Variants in TM9SF4 observed in about 807,000 individuals in gnomAD.
TM9SF4 encodes transmembrane 9 superfamily member 4, also known as dinucleotide oxidase disulfide thiol exchanger 3 superfamily member 4.
In TM9SF4, 26 loss-of-function variants were observed where a neutral mutation model predicts 90.4. The ratio of observed to expected loss-of-function variants is 0.29; its 90% confidence interval spans 0.21 to 0.40. The LOEUF is 0.40. Ranked by LOEUF, TM9SF4 falls within the 10% of genes least tolerant of loss-of-function variation. The pLI is 1.00. For missense variants in TM9SF4, 549 were observed against 834.8 expected (o/e 0.66, Z 4.22); for synonymous variants, 293 against 315.4 (o/e 0.93, Z 0.75).
chr20:32,156,937 A>ATTTTTTTTTT (rs1244272103), intron 13 of TM9SF4, among the ~76,000 whole-genome samples: 2 of 63,062 alleles, frequency 3.2e-5, no homozygotes, highest in Admixed American at 3.2e-4. Flanking sequence ...TTTCCTGGAC[A>ATTTTTTTTTT]TTTTCTTTTT....
intron 2 of TM9SF4, 133 bp from the exon 3 acceptor site, chr20:32,135,941 T>C (rs2046588642): frequency 1.5e-6 from 1 of 660,468 alleles, no homozygotes; most frequent in South Asian, 1.9e-5. Context: ...TTGTGGGCAG[T>C]ACATTATATA....
At chr20:32,110,391 T>C (rs1159058085) in intron 1 of TM9SF4, among the ~76,000 whole-genome samples, 1 of 152,074 alleles carries the variant, frequency 6.6e-6, no homozygotes, top group African/African-American at 2.4e-5. Flanking sequence ...CCTGCCCCTC[T>C]CTTAGGGACC....
rs1026303830 is a variant in TM9SF4, at chr20:32,167,055, T to C, written c.*1611T>C. 3 of 152,062 alleles carry C rather than the reference T, an allele frequency of 2.0e-5. No homozygotes were observed. In the East Asian group the frequency reaches 5.8e-4, roughly 29 times the overall value. 9.4% of individuals were successfully genotyped at this position (152,062 alleles called of 1,614,324 possible). On this transcript the variant is annotated 3_prime_UTR_variant, in exon 18 of 18. Coordinates refer to ENST00000398022, the MANE Select transcript of TM9SF4 (RefSeq NM_014742.4). ...GCAGTAGAGAGCGATATTGGAGTCT[T>C]TTGTTCATTCAAATCTTGGATTTTT...
chr20:32,127,317 T>C (rs941056950), intron 1 of TM9SF4, among the ~76,000 whole-genome samples: 1 of 152,240 alleles, frequency 6.6e-6, no homozygotes, highest in African/African-American at 2.4e-5. Flanking sequence ...TCATTTGTAA[T>C]GCAATTCATC....
intron 9 of TM9SF4, among the ~76,000 whole-genome samples, chr20:32,148,663 CTT>C (rs1234035990): frequency 4.8e-4 from 58 of 120,082 alleles, no homozygotes; most frequent in African/African-American, 5.3e-4. Flanking sequence ...AATATTACAG[CTT>C]TTTTTTTTTT....
intron 14 of TM9SF4, 109 bp downstream of exon 14, chr20:32,158,078 A>G: frequency 1.4e-6 from 2 of 1,430,294 alleles, no homozygotes; most frequent in South Asian, 2.7e-5. Flanking sequence ...AGCCGGCTCT[A>G]ATAGAGTTTA....
intron 3 of TM9SF4, chr20:32,136,876 G>A (rs2046602024): frequency 6.4e-6 from 3 of 471,090 alleles, no homozygotes; most frequent in Non-Finnish European, 1.3e-5. Flanking sequence ...TTACACCTTA[G>A]GAAGGAGAAA....
At chr20:32,158,580 T>G in intron 15 of TM9SF4, 66 bp downstream of exon 15, 1 of 1,535,734 alleles carries the variant, frequency 6.5e-7, no homozygotes, top group Non-Finnish European at 9.0e-7. Context: ...TCCACTCGGG[T>G]GCTCTGCTGC....
intron 9 of TM9SF4, 46 bp downstream of exon 9, chr20:32,146,901 A>C (rs775560596): frequency 6.4e-6 from 10 of 1,562,818 alleles, no homozygotes; most frequent in Non-Finnish European, 8.8e-6. Flanking sequence ...TGGGGAGGGG[A>C]GGAGGACCGT....
intron 1 of TM9SF4, among the ~76,000 whole-genome samples, chr20:32,128,486 A>C (rs1011045402): frequency 1.3e-5 from 2 of 152,178 alleles, no homozygotes; most frequent in Non-Finnish European, 2.9e-5. Context: ...GCTTTGTTAC[A>C]TGGGTAGATT....
chr20:32,112,982 T>A (rs1441761361), intron 1 of TM9SF4, among the ~76,000 whole-genome samples: 1 of 152,144 alleles, frequency 6.6e-6, no homozygotes, highest in Non-Finnish European at 1.5e-5. Flanking sequence ...TTGGTCTGTG[T>A]CAGCACTTCA....
chr20:32,113,259 C>G (rs922583023), intron 1 of TM9SF4, among the ~76,000 whole-genome samples: 1 of 152,178 alleles, frequency 6.6e-6, no homozygotes, highest in Non-Finnish European at 1.5e-5. Flanking sequence ...GTGAATGGCT[C>G]TTCTTCCCCA....
intron 3 of TM9SF4, among the ~76,000 whole-genome samples, chr20:32,141,227 A>AG: frequency 6.6e-6 from 1 of 150,678 alleles, no homozygotes; most frequent in African/African-American, 2.4e-5. Context: ...AAAAAAAAAA[A>AG]AAAAAAAAAA....
intron 17 of TM9SF4, 33 bp from the exon 18 acceptor site, chr20:32,165,262 T>C (rs985942492): frequency 2.5e-6 from 4 of 1,613,262 alleles, no homozygotes; most frequent in East Asian, 2.2e-5. Flanking sequence ...GCACTAAGCA[T>C]GCACCCTGTC....
chr20:32,148,209 G>C (rs1215987639), intron 9 of TM9SF4, among the ~76,000 whole-genome samples: 2 of 152,202 alleles, frequency 1.3e-5, no homozygotes, highest in Non-Finnish European at 2.9e-5. Context: ...GTAAGCAAGA[G>C]AAAACTGTTT....
chr20:32,120,404 T>G (rs2046287602), intron 1 of TM9SF4, among the ~76,000 whole-genome samples: 2 of 151,272 alleles, frequency 1.3e-5, no homozygotes, highest in East Asian at 1.9e-4. Flanking sequence ...CGTTTTTTTT[T>G]TTTTTTTTTA....
At chr20:32,123,858 A>T (rs1271234942) in intron 1 of TM9SF4, among the ~76,000 whole-genome samples, 2 of 56,858 alleles carry the variant, frequency 3.5e-5, no homozygotes, top group African/African-American at 2.3e-4. Flanking sequence ...ATATATATAT[A>T]TATATATATT....
chr20:32,109,772 C>CCGGGAG lies in TM9SF4; in HGVS notation c.15+25_15+30dup, dbSNP rs1569030579. 11 of 1,551,466 alleles carry CCGGGAG rather than the reference C, an allele frequency of 7.1e-6. No individual in the cohort carries two copies. The highest frequency in any genetic ancestry group is 5.5e-5 in the African/African-American group (4 of 73,054). Reference sequence around the variant, plus strand: ...ACGGCGATGGTGAGTGAAGGAGACTCCGGGAGCGGGAGCTGGAGCGGGGCC... The same window carrying CCGGGAG: ...ACGGCGATGGTGAGTGAAGGAGACTCCGGGAGCGGGAGCGGGAGCTGGAGCGGGGCC... On this transcript the variant is annotated intron_variant, in intron 1 of 17. Coordinates refer to ENST00000398022, the MANE Select transcript of TM9SF4 (RefSeq NM_014742.4).
chr20:32,110,890 C>A (rs919145030), intron 1 of TM9SF4, among the ~76,000 whole-genome samples: 1 of 152,168 alleles, frequency 6.6e-6, no homozygotes, highest in African/African-American at 2.4e-5. Flanking sequence ...TCACTTAGTC[C>A]AGAATGATTT....
Sources: allele counts gnomAD v4.1 joint callset (sites outside exome capture counted in the v4.1 genomes callset), GRCh38; gene constraint gnomAD v4.1.1; transcripts MANE v1.5; gene names NCBI Gene and HGNC (gene_info 2026-07-23, HGNC 2026-07-21).